TBC1D5: variants seen among roughly 807,000 people sequenced by gnomAD.
The protein encoded by TBC1D5 is TBC1 domain family member 5, also known as TBC1 domain family, member 5.
TBC1D5 carries 75 observed loss-of-function variants against 100.3 expected under a neutral mutation model. The observed-to-expected ratio is 0.75, with a 90% CI of 0.62 to 0.91. The LOEUF is 0.91. Among genes scored for constraint, TBC1D5 ranks in the 40% least tolerant of loss-of-function variants. The pLI is 0.00. For synonymous variants in TBC1D5, 323 were observed against 325.6 expected (o/e 0.99, Z 0.09); for missense variants, 910 against 942.4 (o/e 0.97, Z 0.45).
intron 2 of TBC1D5, among the ~76,000 whole-genome samples, chr3:17,538,353 A>G (rs986663255): frequency 5.3e-5 from 8 of 152,076 alleles, no homozygotes; most frequent in African/African-American, 1.9e-4. Context: ...CTCTTATACG[A>G]CCTTCCAATG....
intron 13 of TBC1D5, among the ~76,000 whole-genome samples, chr3:17,366,097 C>T (rs1416213552): frequency 6.6e-6 from 1 of 152,054 alleles, no homozygotes; most frequent in East Asian, 1.9e-4. Flanking sequence ...TGAGATCAAC[C>T]TGGGCAACAT....
chr3:17,551,862 C>T (rs980370941), intron 2 of TBC1D5, among the ~76,000 whole-genome samples: 9 of 152,014 alleles, frequency 5.9e-5, no homozygotes, highest in East Asian at 3.8e-4. Context: ...AAAACAACTG[C>T]GTATTAAAAT....
In TBC1D5 at chr3:17,706,196, C is replaced by T. The variant is rs967543355; in HGVS notation, c.-101+33147G>A. 1.0e-4 allele frequency: 158 copies of T among 1,552,874 alleles called. No homozygotes were observed. The East Asian group carries it at 3.2e-3, about 31-fold the overall frequency. On this transcript the variant is annotated intron_variant, in intron 1 of 21. Coordinates refer to ENST00000253692, the Ensembl canonical transcript of TBC1D5. ...GCAGCCGCTCGAAGGGCCTCTTCTC[C>T]GGCATCGCGGCGAGGCCCAGGCTGT... is the stretch of plus-strand genomic sequence containing the variant.
intron 2 of TBC1D5, among the ~76,000 whole-genome samples, chr3:17,612,793 G>A (rs962682377): frequency 6.7e-5 from 10 of 150,018 alleles, no homozygotes; most frequent in Non-Finnish European, 1.0e-4. Flanking sequence ...ATTCAGCAAG[G>A]TAGCAGGATA....
At chr3:17,608,635 T>C (rs1422829257) in intron 2 of TBC1D5, among the ~76,000 whole-genome samples, 1 of 152,228 alleles carries the variant, frequency 6.6e-6, no homozygotes, top group Non-Finnish European at 1.5e-5. Context: ...TATTAAATGC[T>C]AACGTGTGAC....
chr3:17,549,225 T>G (rs531175374), intron 2 of TBC1D5, among the ~76,000 whole-genome samples: 2 of 152,284 alleles, frequency 1.3e-5, no homozygotes, highest in African/African-American at 4.8e-5. Context: ...CACTTGAACC[T>G]GGGAGGCAGA....
At chr3:17,343,878 C>A (rs2089422773) in intron 13 of TBC1D5, among the ~76,000 whole-genome samples, 1 of 151,894 alleles carries the variant, frequency 6.6e-6, no homozygotes, top group Admixed American at 6.6e-5. Flanking sequence ...ATTAGTCTTG[C>A]TAGCGGTCTA....
intron 2 of TBC1D5, among the ~76,000 whole-genome samples, chr3:17,529,649 ATTT>A (rs550186414): frequency 8.5e-4 from 114 of 134,636 alleles, no homozygotes; most frequent in African/African-American, 3.5e-3. Flanking sequence ...TATTATTATT[ATTT>A]TTATTTTTTT....
intron 13 of TBC1D5, among the ~76,000 whole-genome samples, chr3:17,314,332 C>A (rs1461843621): frequency 1.3e-5 from 2 of 152,134 alleles, no homozygotes; most frequent in African/African-American, 4.8e-5. Context: ...CAGGCTGGAC[C>A]TTTCACAGGA....
intron 1 of TBC1D5, among the ~76,000 whole-genome samples, chr3:17,674,672 T>C (rs918309686): frequency 6.6e-6 from 1 of 152,154 alleles, no homozygotes; most frequent in Admixed American, 6.6e-5. Flanking sequence ...AATTATACTT[T>C]TTTTTCTAGG....
At chr3:17,450,768 C>G (rs946482691) in intron 3 of TBC1D5, among the ~76,000 whole-genome samples, 1 of 152,124 alleles carries the variant, frequency 6.6e-6, no homozygotes, top group South Asian at 2.1e-4. Context: ...ATTGGTATAC[C>G]TGAAAGTGAT....
At chr3:17,427,201 CTGTGA>C (rs940479226) in intron 4 of TBC1D5, among the ~76,000 whole-genome samples, 8 of 151,970 alleles carry the variant, frequency 5.3e-5, no homozygotes, top group African/African-American at 1.9e-4. Context: ...AGCTTTACTG[CTGTGA>C]TAACACCCTT....
chr3:17,485,098 A>G (rs1379374968), intron 3 of TBC1D5, among the ~76,000 whole-genome samples: 1 of 152,146 alleles, frequency 6.6e-6, no homozygotes, highest in East Asian at 1.9e-4. Context: ...CAACTGTCTA[A>G]TAATGAAAAA....
chr3:17,608,672 C>T (rs1576995411), intron 2 of TBC1D5, among the ~76,000 whole-genome samples: 1 of 152,204 alleles, frequency 6.6e-6, no homozygotes, highest in East Asian at 1.9e-4. Context: ...TTTCTTTCTC[C>T]CTTCTCAGAA....
intron 2 of TBC1D5, among the ~76,000 whole-genome samples, chr3:17,611,675 C>G (rs940192587): frequency 1.3e-5 from 2 of 152,024 alleles, no homozygotes; most frequent in Non-Finnish European, 2.9e-5. Flanking sequence ...AACTGAGAAA[C>G]CAGAGTGGAG....
intron 4 of TBC1D5, among the ~76,000 whole-genome samples, chr3:17,410,368 T>A (rs2093891069): frequency 6.6e-6 from 1 of 152,192 alleles, no homozygotes. Flanking sequence ...GATGGATATG[T>A]ACAAAGAGAT....
intron 2 of TBC1D5, among the ~76,000 whole-genome samples, chr3:17,570,027 AGAG>A (rs2096617046): frequency 6.6e-6 from 1 of 151,936 alleles, no homozygotes; most frequent in Admixed American, 6.6e-5. Context: ...CTAGAAAGTC[AGAG>A]GTTCCACCAT....
At chr3:17,716,358 A>T (rs2075239071) in intron 1 of TBC1D5, among the ~76,000 whole-genome samples, 1 of 148,520 alleles carries the variant, frequency 6.7e-6, no homozygotes, top group Non-Finnish European at 1.5e-5. Context: ...TAAAACTGTC[A>T]TTTTTTTTTT....
At chr3:17,571,357 T>G (rs9310522) in intron 2 of TBC1D5, among the ~76,000 whole-genome samples, 151,812 of 152,000 alleles carry the variant, frequency 1, 75,812 homozygotes, top group Middle Eastern at 1. Flanking sequence ...TTCACACGAT[T>G]GGATTTCAAA....
Sources: allele counts gnomAD v4.1 joint callset (sites outside exome capture counted in the v4.1 genomes callset), GRCh38; gene constraint gnomAD v4.1.1; transcripts MANE v1.5; gene names NCBI Gene and HGNC (gene_info 2026-07-23, HGNC 2026-07-21).